NLRC5: variants seen among roughly 807,000 people sequenced by gnomAD.
The protein encoded by NLRC5 is protein NLRC5.
A neutral mutation model predicts 206.9 loss-of-function variants in NLRC5; 114 were observed. The ratio of observed to expected loss-of-function variants is 0.55; its 90% CI spans 0.47 to 0.64. The LOEUF (loss-of-function observed/expected upper bound fraction) is 0.64. Ranked by LOEUF, NLRC5 falls within the 30% of genes least tolerant of loss-of-function variation. The probability of loss-of-function intolerance (pLI) is 0.00; values close to 1 mark genes in which losing one functional copy is unlikely to be tolerated. For missense variants in NLRC5, 2,008 were observed against 2,305.5 expected, an observed-to-expected ratio of 0.87 and a Z score of 2.64; for synonymous variants, 952 against 962.8, an observed-to-expected ratio of 0.99 and a Z score of 0.21.
In NLRC5 at chr16:57,067,452, C is replaced by A. The variant is rs753484699; in HGVS notation, c.4388C>A (p.Ala1463Asp). The change falls in exon 35 of 49, where the codon GCC (alanine) becomes GAC (aspartate). Residue 1463 changes from alanine (A) to aspartate (D), a missense_variant. Coordinates refer to ENST00000688547, the MANE Select transcript of NLRC5 (RefSeq NM_001384950.1). ...GTCGGGCAGCTGATGGAGACATGTG[C>A]CAGGCTGCAGCAGCTCAGGTCAGCG... The part of the protein sequence containing the change: ...LLVGQLMETC[A>D]RLQQLSLSQV... The A allele has an allele frequency of 3.1e-6, 5 of 1,614,082 alleles. No individual in the cohort carries two copies. The South Asian group carries it at 4.4e-5, about 14-fold the overall frequency.
chr16:57,077,896 C>T lies in NLRC5; in HGVS notation c.5004-47C>T, dbSNP rs532173752. 2.4e-5 allele frequency: 39 copies of T among 1,608,648 alleles called. No homozygotes were observed. The South Asian group carries it at 3.6e-4, about 15-fold the overall frequency. On this transcript the variant is annotated intron_variant, in intron 42 of 48. Coordinates refer to ENST00000688547, the MANE Select transcript of NLRC5 (RefSeq NM_001384950.1). ...TGGGCACAGGGCAGGGCGGGGGTCC[C>T]GAGTGGGCAGGCCCAGTACTCAATG... is the stretch of plus-strand genomic sequence containing the variant.
intron 11 of NLRC5, among the ~76,000 whole-genome samples, chr16:57,032,639 A>T (rs1460835805): frequency 4.6e-5 from 7 of 152,106 alleles, no homozygotes; most frequent in Non-Finnish European, 2.9e-5. Context: ...CAGTGGCCAT[A>T]GGTGGCTAGT....
At chr16:57,030,390 G>GGGTGGATGAAAA (rs1277121507) in intron 10 of NLRC5, among the ~76,000 whole-genome samples, 2 of 146,994 alleles carry the variant, frequency 1.4e-5, no homozygotes, top group South Asian at 4.4e-4. Flanking sequence ...AAAGATGGAT[G>GGGTGGATGAAAA]GATGGATGGA....
chr16:57,025,501 A>G lies in NLRC5; in HGVS notation c.558A>G (p.Ala186=), dbSNP rs1200166926. The change falls in exon 6 of 49, where the codon GCA becomes GCG. Residue 186 remains alanine (A), a synonymous_variant. Coordinates refer to ENST00000688547, the MANE Select transcript of NLRC5 (RefSeq NM_001384950.1). ...CTCCAATCCTGCGCCGGGCCACAGC[A>G]TCCTTAGACACTCCGGAGGGGGCCA... The part of the protein sequence containing the change: ...YVPPILRRAT[A]SLDTPEGAIM... The G allele has an allele frequency of 5.0e-6, 8 of 1,613,480 alleles. No individual in the cohort carries two copies. Among genetic ancestry groups the G allele is most frequent in the Non-Finnish European group, 6.8e-6 (8 of 1,179,650 alleles).
chr16:57,000,656 A>C (rs1305439474), intron 1 of NLRC5, among the ~76,000 whole-genome samples: 1 of 152,154 alleles, frequency 6.6e-6, no homozygotes. Context: ...TGTGTGTTTT[A>C]AGTCCTTTAG....
chr16:57,072,392 G>T (rs1210906211), intron 38 of NLRC5, among the ~76,000 whole-genome samples: 8 of 152,100 alleles, frequency 5.3e-5, no homozygotes, highest in Admixed American at 5.2e-4. Context: ...GCCAGACCTG[G>T]GCGCATGCAC....
intron 5 of NLRC5, among the ~76,000 whole-genome samples, chr16:57,024,749 C>A (rs75503693): frequency 6.6e-6 from 1 of 152,176 alleles, no homozygotes; most frequent in African/African-American, 2.4e-5. Context: ...GTGGCTCACA[C>A]CTGTAATCCC....
chr16:57,047,863 A>C, intron 23 of NLRC5: 1 of 565,942 alleles, frequency 1.8e-6, no homozygotes, highest in Non-Finnish European at 3.2e-6. Context: ...GGAAGCCTTC[A>C]CCTGCACCAT....
At chr16:57,071,332 GT>G (rs769343496) in intron 38 of NLRC5, among the ~76,000 whole-genome samples, 11 of 144,526 alleles carry the variant, frequency 7.6e-5, no homozygotes, top group South Asian at 2.3e-4. Context: ...ATGGGGAAGG[GT>G]TGTGAGTGAG....
intron 2 of NLRC5, among the ~76,000 whole-genome samples, chr16:57,018,140 T>A (rs1376033477): frequency 6.6e-6 from 1 of 152,244 alleles, no homozygotes; most frequent in African/African-American, 2.4e-5. Flanking sequence ...CTTACTTCCA[T>A]CTGGTGCCAT....
At position 57,074,429 on chromosome 16, in the gene NLRC5, A is replaced by T. The variant is rs1029278475; in HGVS notation, c.4668-171A>T. On this transcript the variant is annotated intron_variant, in intron 38 of 48. Coordinates refer to ENST00000688547, the MANE Select transcript of NLRC5 (RefSeq NM_001384950.1). ...TGACCTCAGTAATTCATGCAGAGAA[A>T]CAGCATTTGGACCTCCCAGTACAGT... 33 of 623,202 alleles carry T rather than the reference A, an allele frequency of 5.3e-5. No homozygotes were observed. The African/African-American group carries it at 5.8e-4, about 11-fold the overall frequency. 38.6% of individuals were successfully genotyped at this position (623,202 alleles called of 1,614,324 possible). A position where few individuals can be genotyped will look rare whatever the true frequency, so the allele number is the denominator to read the frequency against.
chr16:57,080,261 C>A (rs1357410921), intron 46 of NLRC5, among the ~76,000 whole-genome samples: 1 of 152,116 alleles, frequency 6.6e-6, no homozygotes, highest in Non-Finnish European at 1.5e-5. Flanking sequence ...TACACCAAAG[C>A]GAAAGTCTCA....
rs1432333243 is a variant in NLRC5, at chr16:57,076,902, A to T, written c.4835A>T (p.Asp1612Val). The T allele has an allele frequency of 1.7e-5, 28 of 1,613,678 alleles. No individual in the cohort carries two copies. Among genetic ancestry groups the T allele is most frequent in the Non-Finnish European group, 2.4e-5 (28 of 1,179,886 alleles). The change falls in exon 40 of 49, where the codon GAC (aspartate) becomes GTC (valine). Residue 1612 changes from aspartate (D) to valine (V), a missense_variant and splice_region_variant. By Grantham distance (152) the Asp-to-Val change is radical (BLOSUM62 -3). Transcript: ENST00000688547. ...LRAATSLEEL[D>V]LSHNQIGDAG... ...GCTGCCACCAGCCTAGAGGAGCTGG[A>T]GTGAGTTGCCCATTCTGCCCCCAGA...
At chr16:57,015,472 CTGGCTG>C (rs1449658208) in intron 1 of NLRC5, among the ~76,000 whole-genome samples, 1 of 152,080 alleles carries the variant, frequency 6.6e-6, no homozygotes, top group Non-Finnish European at 1.5e-5. Context: ...TATCATTTAG[CTGGCTG>C]TGGTGACCCA....
chr16:56,998,698 T>G (rs1283070717), intron 1 of NLRC5, among the ~76,000 whole-genome samples: 4 of 152,258 alleles, frequency 2.6e-5, no homozygotes, highest in Non-Finnish European at 1.5e-5. Flanking sequence ...TGCTGTTTGT[T>G]GATGTGTATT....
Position 57,074,699 on chromosome 16 carries a change from G to A in NLRC5, c.4751+16G>A. 1.2e-6 allele frequency: 2 copies of A among 1,612,452 alleles called. No homozygotes were observed. The highest frequency in any genetic ancestry group is 1.7e-6 in the Non-Finnish European group (2 of 1,178,660). The stretch of plus-strand genomic sequence containing the variant: ...AGAGCCTCAGGTGAGTGACCGAGCG[G>A]CCCCATGGGAATGAGTGGGAAGAAA... On this transcript the variant is annotated intron_variant, in intron 39 of 48. Coordinates refer to ENST00000688547, the MANE Select transcript of NLRC5 (RefSeq NM_001384950.1).
Position 57,042,019 on chromosome 16 carries a change from C to G in NLRC5, c.3067C>G (p.Arg1023Gly). 1 of 1,575,170 alleles carries G rather than the reference C, an allele frequency of 6.3e-7. No individual in the cohort carries two copies. The highest frequency in any genetic ancestry group is 1.2e-5 in the South Asian group (1 of 85,978). Residue 1023 changes from arginine to glycine, a missense_variant, in exon 19 of 49, where the codon CGG becomes GGG. Transcript: ENST00000688547. ...GNALGDEGAA[R>G]LAQLLPGLGA... Reference sequence around the variant, plus strand: ...TGCTCTGGGGGATGAAGGTGCAGCCCGGCTGGCTCAGCTGCTCCCAGGGCT... The same window carrying G: ...TGCTCTGGGGGATGAAGGTGCAGCCGGGCTGGCTCAGCTGCTCCCAGGGCT...
intron 12 of NLRC5, 121 bp downstream of exon 12, chr16:57,033,790 A>G: frequency 3.2e-6 from 3 of 951,066 alleles, no homozygotes; most frequent in South Asian, 1.4e-5. Context: ...GGAAAGGATT[A>G]GCCGGGTGTG....
At chr16:57,003,481 C>T (rs1026569021) in intron 1 of NLRC5, among the ~76,000 whole-genome samples, 9 of 152,318 alleles carry the variant, frequency 5.9e-5, no homozygotes, top group Non-Finnish European at 1.0e-4. Context: ...CCAACCCCAT[C>T]TCTGCCCGGA....
Sources: allele counts gnomAD v4.1 joint callset (sites outside exome capture counted in the v4.1 genomes callset), GRCh38; gene constraint gnomAD v4.1.1; transcripts MANE v1.5; gene names NCBI Gene and HGNC (gene_info 2026-07-23, HGNC 2026-07-21).